Variants in COL8A1 observed in about 807,000 individuals in gnomAD.
COL8A1 encodes the protein collagen alpha-1(VIII) chain.
Under a neutral mutation model 42.7 loss-of-function variants are expected in COL8A1, and 21 were observed. The ratio of observed to expected loss-of-function variants is 0.49; its 90% confidence interval spans 0.35 to 0.71. The LOEUF is 0.71. Ranked by LOEUF, COL8A1 falls within the 30% of genes least tolerant of loss-of-function variation. The pLI is 0.01. For synonymous variants in COL8A1, 367 were observed against 369.1 expected (o/e 0.99, Z 0.06); for missense variants, 788 against 962.4 (o/e 0.82, Z 2.40).
At chr3:99,652,624 C>T in intron 1 of COL8A1, among the ~76,000 whole-genome samples, 1 of 152,078 alleles carries the variant, frequency 6.6e-6, no homozygotes, top group Non-Finnish European at 1.5e-5. Context: ...CAAAAGAAAG[C>T]GGACTGACCT....
At chr3:99,697,456 GGAA>G (rs774847394) in intron 1 of COL8A1, among the ~76,000 whole-genome samples, 12 of 152,246 alleles carry the variant, frequency 7.9e-5, no homozygotes, top group Admixed American at 2.0e-4. Context: ...AGTCAGATTA[GGAA>G]GTTAAAAGGA....
At position 99,777,113 on chromosome 3, in the gene COL8A1, T is replaced by C. The variant is rs146442561; in HGVS notation, c.-3-13567T>C. ...TCTCATCCTGTGACTAAGAATGCCT[T>C]AACCTCCTGGGAATGCAGCCCAGTA... On this transcript the variant is annotated intron_variant, in intron 2 of 3. Coordinates refer to ENST00000652472, the MANE Select transcript of COL8A1 (RefSeq NM_020351.4). 2.7e-3 allele frequency among the ~76,000 whole-genome samples: 405 copies of C among 152,272 alleles called. 1 individual carries two copies. The highest frequency in any genetic ancestry group is 8.7e-3 in the African/African-American group (363 of 41,562).
intron 1 of COL8A1, among the ~76,000 whole-genome samples, chr3:99,650,032 G>A (rs780140647): frequency 6.6e-5 from 10 of 151,996 alleles, no homozygotes; most frequent in Non-Finnish European, 1.2e-4. Context: ...CTTGACAGTC[G>A]AGTCTCACAA....
At position 99,773,837 on chromosome 3, in the gene COL8A1, A is replaced by AT. The variant is rs1172723632; in HGVS notation, c.-3-16818dup. 3.3e-3 allele frequency among the ~76,000 whole-genome samples: 152 copies of AT among 45,412 alleles called. 9 individuals are homozygous for AT. Among genetic ancestry groups the AT allele is most frequent in the East Asian group, 0.018 (25 of 1,360 alleles). The allele number at this position is 45,412 out of a possible 152,430, so 29.8% of individuals were successfully genotyped here. ...TGTGTATATATATATATATATATAT[A>AT]TTTTTTTTTTTTTTTTTTTTTTTTT... On this transcript the variant is annotated intron_variant, in intron 2 of 3. Coordinates refer to ENST00000652472, the MANE Select transcript of COL8A1 (RefSeq NM_020351.4).
chr3:99,638,945 C>A (rs41267899), intron 1 of COL8A1, among the ~76,000 whole-genome samples: 11,232 of 152,202 alleles, frequency 0.074, 512 homozygotes, highest in East Asian at 0.15. Context: ...TAAAATGTAT[C>A]TGTTTGGGGT....
intron 1 of COL8A1, chr3:99,691,449 G>A (rs9836385): frequency 0.11 from 16,476 of 152,014 alleles, 1,007 homozygotes; most frequent in South Asian, 0.2. Flanking sequence ...GTCATCTAGC[G>A]TCTTGCTACT....
intron 3 of COL8A1, among the ~76,000 whole-genome samples, chr3:99,793,130 G>C (rs1402573111): frequency 6.6e-6 from 1 of 152,152 alleles, no homozygotes; most frequent in Admixed American, 6.6e-5. Context: ...TGGGGCAGGA[G>C]GGAGAGAATG....
intron 2 of COL8A1, among the ~76,000 whole-genome samples, chr3:99,777,849 A>G (rs1941722819): frequency 6.6e-6 from 1 of 152,234 alleles, no homozygotes. Flanking sequence ...GCATTAATTC[A>G]TCCTGAAGAG....
Position 99,795,871 on chromosome 3 carries a change from T to A in COL8A1, c.1970T>A (p.Val657Asp). The A allele has an allele frequency of 1.2e-6, 2 of 1,614,070 alleles. No homozygotes were observed. Among genetic ancestry groups the A allele is most frequent in the Non-Finnish European group, 1.7e-6 (2 of 1,180,006 alleles). ...NPQTGIFTCE[V>D]PGVYYFAYHV... ...CAGACAGGCATCTTCACCTGTGAGG[T>A]CCCTGGTGTCTACTACTTTGCATAC... The change falls in exon 4 of 4, where the codon GTC becomes GAC. Residue 657 changes from valine to aspartate, a missense_variant. Physicochemically the swap from Val to Asp is radical, Grantham distance 152. Coordinates refer to ENST00000652472, the MANE Select transcript of COL8A1 (RefSeq NM_020351.4).
intron 1 of COL8A1, among the ~76,000 whole-genome samples, chr3:99,654,080 A>G (rs568127672): frequency 1.3e-5 from 2 of 152,156 alleles, no homozygotes; most frequent in African/African-American, 4.8e-5. Context: ...GTGTAAGTCC[A>G]AGACTCCAAA....
chr3:99,795,176 AG>A lies in COL8A1; in HGVS notation c.1277del (p.Gly426ValfsTer21). On this transcript the variant is annotated frameshift_variant, in exon 4 of 4. Coordinates refer to ENST00000652472, the MANE Select transcript of COL8A1 (RefSeq NM_020351.4). LOFTEE classifies it high-confidence loss of function. ...GGATTGTAGGGCCACAGGGGCCACCAGGTCCCAAGGGTGAGCCAGGGCTTCA... is the reference window on the plus strand; with the variant it reads ...GGATTGTAGGGCCACAGGGGCCACCAGTCCCAAGGGTGAGCCAGGGCTTCA... ...GGIVGPQGPP[G>X]PKGEPGLQGF... The A allele has an allele frequency of 6.2e-7, 1 of 1,613,804 alleles. No individual in the cohort carries two copies. Among genetic ancestry groups the A allele is most frequent in the Non-Finnish European group, 8.5e-7 (1 of 1,179,848 alleles).
In COL8A1 at chr3:99,794,209, T is replaced by A. The variant is rs1297545482; in HGVS notation, c.329-21T>A. Reference sequence around the variant, plus strand: ...TCTCTCTCTCCCCCCATACCCCTTCTCTCTCTTCTCTTCCCAGTAGAAATA... The same window carrying A: ...TCTCTCTCTCCCCCCATACCCCTTCACTCTCTTCTCTTCCCAGTAGAAATA... On this transcript the variant is annotated intron_variant, in intron 3 of 3. Transcript: ENST00000652472. The surrounding 1 kb of genome is among the most constrained non-coding windows in gnomAD (Gnocchi z 4.3). 1.3e-6 allele frequency: 2 copies of A among 1,491,004 alleles called. No homozygotes were observed. Among genetic ancestry groups the A allele is most frequent in the Non-Finnish European group, 1.8e-6 (2 of 1,105,702 alleles). The allele number at this position is 1,491,004 out of a possible 1,614,324, so 92.4% of individuals were successfully genotyped here. A position where few individuals can be genotyped will look rare whatever the true frequency, so the allele number is the denominator to read the frequency against.
At chr3:99,679,266 G>C (rs965056516) in intron 1 of COL8A1, 1 of 152,158 alleles carries the variant, frequency 6.6e-6, no homozygotes. Flanking sequence ...TTCTCTTTTT[G>C]TGTTCAATCC....
rs751720578 is a variant in COL8A1 at position 99,795,578 on chromosome 3, A to C, written c.1677A>C (p.Pro559=). 4 of 1,609,592 alleles carry C rather than the reference A, an allele frequency of 2.5e-6. No homozygotes were observed. The highest frequency in any genetic ancestry group is 3.4e-6 in the Non-Finnish European group (4 of 1,177,538). ...ALGPQGQPGL[P]GPPGPPGPPG... ...GTCCTCAAGGCCAGCCTGGCCTTCCAGGACCCCCAGGCCCTCCAGGACCTC... is the reference window on the plus strand; with the variant it reads ...GTCCTCAAGGCCAGCCTGGCCTTCCCGGACCCCCAGGCCCTCCAGGACCTC... The change falls in exon 4 of 4, where the codon CCA becomes CCC. Residue 559 remains proline, a synonymous_variant. Transcript: ENST00000652472.
chr3:99,666,810 A>C (rs1340298148), intron 1 of COL8A1, among the ~76,000 whole-genome samples: 1 of 152,174 alleles, frequency 6.6e-6, no homozygotes, highest in East Asian at 1.9e-4. Flanking sequence ...ATGAACTTTC[A>C]AGTTTATGGA....
chr3:99,793,130 G>A (rs1402573111), intron 3 of COL8A1, among the ~76,000 whole-genome samples: 1 of 152,152 alleles, frequency 6.6e-6, no homozygotes, highest in Non-Finnish European at 1.5e-5. Context: ...TGGGGCAGGA[G>A]GGAGAGAATG....
At chr3:99,775,319 T>A (rs887547893) in intron 2 of COL8A1, among the ~76,000 whole-genome samples, 1 of 152,122 alleles carries the variant, frequency 6.6e-6, no homozygotes, top group Non-Finnish European at 1.5e-5. Context: ...CTATTTAACA[T>A]GGTGGGCTAG....
At chr3:99,672,618 A>G (rs1221286955) in intron 1 of COL8A1, among the ~76,000 whole-genome samples, 1 of 151,764 alleles carries the variant, frequency 6.6e-6, no homozygotes, top group Non-Finnish European at 1.5e-5. Context: ...CTCCATTATC[A>G]TTGATCATTC....
chr3:99,793,901 G>A (rs1421746987), intron 3 of COL8A1, among the ~76,000 whole-genome samples: 2 of 152,086 alleles, frequency 1.3e-5, no homozygotes, highest in African/African-American at 4.8e-5. Context: ...ACAGGCATGT[G>A]CCACCACACC....
Sources: allele counts gnomAD v4.1 joint callset (sites outside exome capture counted in the v4.1 genomes callset), GRCh38; gene constraint gnomAD v4.1.1; non-coding constraint Gnocchi (gnomAD v3.1); transcripts MANE v1.5; gene names NCBI Gene and HGNC (gene_info 2026-07-23, HGNC 2026-07-21).